Variants in RAB10 observed in about 807,000 individuals in gnomAD.
RAB10 encodes the protein RAB10, member RAS oncogene family.
Under a neutral mutation model 25.7 loss-of-function variants are expected in RAB10, and 5 were observed. The ratio of observed to expected loss-of-function variants is 0.19; its 90% confidence interval spans 0.10 to 0.41. RAB10 has a LOEUF of 0.41. RAB10 is among the 10% of genes least tolerant of loss of function. The probability of loss-of-function intolerance (pLI) is 1.00; values close to 1 mark genes in which losing one functional copy is unlikely to be tolerated. For missense variants in RAB10, 103 were observed against 245.8 expected (o/e 0.42, Z 3.89); for synonymous variants, 89 against 86.4 (o/e 1.03, Z -0.16).
chr2:26,074,703 GC>G (rs529952757), intron 1 of RAB10, among the ~76,000 whole-genome samples: 132 of 152,370 alleles, frequency 8.7e-4, no homozygotes, highest in African/African-American at 3.1e-3. Context: ...ACAGGCGTGA[GC>G]CACTGCACCT....
At chr2:26,087,809 A>G (rs1166018825) in intron 1 of RAB10, among the ~76,000 whole-genome samples, 1 of 152,378 alleles carries the variant, frequency 6.6e-6, no homozygotes, top group East Asian at 1.9e-4. Flanking sequence ...AAGATCTTCT[A>G]ACAGTGCCAG....
chr2:26,036,194 G>A (rs1665760847), intron 1 of RAB10, among the ~76,000 whole-genome samples: 1 of 152,154 alleles, frequency 6.6e-6, no homozygotes, highest in Non-Finnish European at 1.5e-5. Flanking sequence ...CTAATGCTGG[G>A]CACTGTTTTT....
intron 5 of RAB10, 72 bp downstream of exon 5, chr2:26,128,023 C>G: frequency 7.8e-7 from 1 of 1,289,808 alleles, no homozygotes; most frequent in Non-Finnish European, 1.1e-6. Context: ...TTCTGAAGTA[C>G]TGGATTTACA....
chr2:26,054,262 C>T (rs1666200975), intron 1 of RAB10, among the ~76,000 whole-genome samples: 1 of 151,918 alleles, frequency 6.6e-6, no homozygotes, highest in Non-Finnish European at 1.5e-5. Flanking sequence ...CCATGTTGAC[C>T]AGGCTGGTCT....
At chr2:26,084,300 T>TA (rs1199788748) in intron 1 of RAB10, among the ~76,000 whole-genome samples, 1 of 152,126 alleles carries the variant, frequency 6.6e-6, no homozygotes, top group East Asian at 1.9e-4. Flanking sequence ...GGGGAATGGG[T>TA]AATACCCTTT....
At chr2:26,086,903 A>AAC (rs775622667) in intron 1 of RAB10, among the ~76,000 whole-genome samples, 1 of 152,196 alleles carries the variant, frequency 6.6e-6, no homozygotes, top group South Asian at 2.1e-4. Context: ...CTATTTCATG[A>AAC]AGTATCCAAA....
chr2:26,035,369 T>C (rs1269956681), intron 1 of RAB10, among the ~76,000 whole-genome samples: 1 of 152,232 alleles, frequency 6.6e-6, no homozygotes, highest in African/African-American at 2.4e-5. Context: ...ATGATCAGTT[T>C]CTGTCCTCAA....
At chr2:26,057,316 C>G (rs897404110) in intron 1 of RAB10, among the ~76,000 whole-genome samples, 1 of 151,820 alleles carries the variant, frequency 6.6e-6, no homozygotes, top group Non-Finnish European at 1.5e-5. Context: ...GTAGTCCCAG[C>G]TACTGGGAGA....
At chr2:26,060,339 C>G (rs896407295) in intron 1 of RAB10, among the ~76,000 whole-genome samples, 1 of 152,120 alleles carries the variant, frequency 6.6e-6, no homozygotes, top group African/African-American at 2.4e-5. Flanking sequence ...GTTGCCCAGG[C>G]TGGAGTGCAG....
intron 3 of RAB10, among the ~76,000 whole-genome samples, chr2:26,120,549 A>C (rs1667782363): frequency 6.6e-6 from 1 of 151,934 alleles, no homozygotes; most frequent in African/African-American, 2.4e-5. Flanking sequence ...ATTAAGAGGC[A>C]CTAAATTCAG....
chr2:26,123,826 A>G (rs1188165602), intron 3 of RAB10, among the ~76,000 whole-genome samples: 1 of 152,216 alleles, frequency 6.6e-6, no homozygotes, highest in East Asian at 1.9e-4. Context: ...TTGTATAGAA[A>G]TATTTTTAAA....
intron 1 of RAB10, among the ~76,000 whole-genome samples, chr2:26,082,898 G>T (rs6724358): frequency 0.028 from 4,295 of 152,160 alleles, 203 homozygotes; most frequent in African/African-American, 0.099. Context: ...AATACATCAT[G>T]ACTCAAATGG....
chr2:26,056,480 A>G (rs1666270155), intron 1 of RAB10, among the ~76,000 whole-genome samples: 1 of 152,208 alleles, frequency 6.6e-6, no homozygotes, highest in South Asian at 2.1e-4. Context: ...TACAGGTGTG[A>G]GTCACCGAGC....
Position 26,056,232 on chromosome 2 carries a change from C to G in RAB10, c.127+21497C>G, listed in dbSNP as rs147706856. Among the ~76,000 whole-genome samples the G allele has an allele frequency of 8.8e-4, 134 of 151,974 alleles. 1 individual carries two copies. The East Asian group carries it at 0.022, about 25-fold the overall frequency. ...TTCCTTTTTTTGAGATGGAGTCTTGCTCTGTCGCCAGGCTAGAGTGCAGTG... is the reference window on the plus strand; with the variant it reads ...TTCCTTTTTTTGAGATGGAGTCTTGGTCTGTCGCCAGGCTAGAGTGCAGTG... On this transcript the variant is annotated intron_variant, in intron 1 of 5. Coordinates refer to ENST00000264710, the MANE Select transcript of RAB10 (RefSeq NM_016131.5).
intron 5 of RAB10, among the ~76,000 whole-genome samples, chr2:26,129,704 G>C (rs1667974747): frequency 1.3e-5 from 2 of 152,126 alleles, no homozygotes. Flanking sequence ...TCTTCAATGG[G>C]ACTAAAAAAT....
At chr2:26,091,579 A>G (rs1258590002) in intron 1 of RAB10, among the ~76,000 whole-genome samples, 1 of 152,160 alleles carries the variant, frequency 6.6e-6, no homozygotes, top group Non-Finnish European at 1.5e-5. Context: ...GGATTTAAAG[A>G]GTTTTCCTTT....
intron 1 of RAB10, among the ~76,000 whole-genome samples, chr2:26,057,487 G>C (rs1203048788): frequency 6.6e-6 from 1 of 151,962 alleles, no homozygotes. Context: ...AACATTTAAG[G>C]TGTAGACAGG....
chr2:26,116,226 C>T (rs536909836), intron 3 of RAB10, among the ~76,000 whole-genome samples: 54 of 152,136 alleles, frequency 3.5e-4, no homozygotes, highest in African/African-American at 6.3e-4. Context: ...CCATGTTGCC[C>T]GGGCTGGTGT....
At chr2:26,092,312 TGTGTGTGTG>T in intron 1 of RAB10, among the ~76,000 whole-genome samples, 1 of 68,698 alleles carries the variant, frequency 1.5e-5, no homozygotes, top group South Asian at 4.3e-4. Context: ...TGTGTGTGTG[TGTGTGTGTG>T]TTGGGGTGGT....
Sources: gnomAD v4.1 joint callset for allele counts (sites outside exome capture counted in the v4.1 genomes callset) on GRCh38, gnomAD v4.1.1 for gene constraint, MANE v1.5 for transcripts, NCBI Gene and HGNC (gene_info 2026-07-23, HGNC 2026-07-21) for gene names.